The following UGGT2 variants were observed in gnomAD, a reference collection of about 807,000 sequenced individuals.
The protein encoded by UGGT2 is UDP-glucose glycoprotein glucosyltransferase 2.
A neutral mutation model predicts 192.1 loss-of-function variants in UGGT2; 180 were observed. The observed-to-expected ratio is 0.94, with a 90% CI of 0.83 to 1.06. The LOEUF is 1.06. Ranked by LOEUF, UGGT2 falls within the 50% of genes least tolerant of loss-of-function variation. The pLI is 0.00. For missense variants in UGGT2, 1,849 were observed against 1,795.7 expected (o/e 1.03, Z -0.54); for synonymous variants, 580 against 591.0 (o/e 0.98, Z 0.27).
intron 12 of UGGT2, among the ~76,000 whole-genome samples, chr13:95,966,644 C>A (rs935937712): frequency 1.3e-5 from 2 of 152,122 alleles, no homozygotes; most frequent in African/African-American, 4.8e-5. Flanking sequence ...ACCTTACATA[C>A]ATAAGAAAAT....
intron 12 of UGGT2, among the ~76,000 whole-genome samples, chr13:95,961,922 CAAT>C (rs2050405665): frequency 6.6e-6 from 1 of 152,000 alleles, no homozygotes; most frequent in South Asian, 2.1e-4. Context: ...AACTACAAAT[CAAT>C]AACAAGAGAA....
intron 20 of UGGT2, among the ~76,000 whole-genome samples, chr13:95,904,598 A>T (rs1215315841): frequency 6.6e-6 from 1 of 151,712 alleles, no homozygotes; most frequent in Non-Finnish European, 1.5e-5. Context: ...TCCCAATTTC[A>T]TCCATGTCCC....
At chr13:95,924,730 G>A (rs2048966444) in intron 20 of UGGT2, among the ~76,000 whole-genome samples, 1 of 152,046 alleles carries the variant, frequency 6.6e-6, no homozygotes, top group South Asian at 2.1e-4. Context: ...AAGCTGCCAC[G>A]TTGTGAGGGC....
intron 22 of UGGT2, among the ~76,000 whole-genome samples, chr13:95,896,472 T>A (rs538361961): frequency 1.1e-4 from 17 of 152,264 alleles, no homozygotes; most frequent in African/African-American, 4.1e-4. Context: ...TGAAAGCACA[T>A]TCAATGTTAC....
intron 20 of UGGT2, among the ~76,000 whole-genome samples, chr13:95,907,535 C>A (rs1489614767): frequency 1.3e-5 from 2 of 152,202 alleles, no homozygotes; most frequent in Non-Finnish European, 2.9e-5. Context: ...AGCTGCCCCT[C>A]TGGGACAAAG....
intron 8 of UGGT2, among the ~76,000 whole-genome samples, chr13:95,987,872 A>G (rs2051338921): frequency 6.6e-6 from 1 of 152,152 alleles, no homozygotes; most frequent in Non-Finnish European, 1.5e-5. Flanking sequence ...CGGGCCCCCA[A>G]AAGGCTGGCC....
chr13:95,814,489 T>C (rs1884724415), intron 38 of UGGT2, among the ~76,000 whole-genome samples: 1 of 152,232 alleles, frequency 6.6e-6, no homozygotes. Flanking sequence ...TTTTTTCCTT[T>C]TGGAAGAGGA....
chr13:95,911,739 G>A (rs1183764888), intron 20 of UGGT2, among the ~76,000 whole-genome samples: 1 of 152,040 alleles, frequency 6.6e-6, no homozygotes, highest in African/African-American at 2.4e-5. Context: ...AACTTATGAG[G>A]CCAATATCAT....
At chr13:96,016,985 G>C (rs1051119670) in intron 4 of UGGT2, among the ~76,000 whole-genome samples, 8 of 152,196 alleles carry the variant, frequency 5.3e-5, no homozygotes, top group African/African-American at 1.9e-4. Flanking sequence ...TGGAGTCAAG[G>C]ATTACATGAC....
intron 29 of UGGT2, among the ~76,000 whole-genome samples, chr13:95,870,075 TATA>T (rs1891089162): frequency 6.6e-6 from 1 of 152,198 alleles, no homozygotes; most frequent in African/African-American, 2.4e-5. Context: ...TGAATAAAAT[TATA>T]ATGCTGTTAT....
intron 20 of UGGT2, among the ~76,000 whole-genome samples, chr13:95,906,226 C>T (rs9561976): frequency 0.37 from 55,857 of 151,902 alleles, 10,569 homozygotes; most frequent in Middle Eastern, 0.42. Context: ...CTATTGTAAA[C>T]GGTATATTTA....
At chr13:95,934,308 C>G (rs140867026) in intron 17 of UGGT2, among the ~76,000 whole-genome samples, 62 of 152,296 alleles carry the variant, frequency 4.1e-4, no homozygotes, top group African/African-American at 1.2e-3. Context: ...GGAGTATGCT[C>G]TGTGTGCAGC....
At chr13:95,871,570 C>G (rs1287775556) in intron 29 of UGGT2, among the ~76,000 whole-genome samples, 1 of 152,158 alleles carries the variant, frequency 6.6e-6, no homozygotes, top group Non-Finnish European at 1.5e-5. Flanking sequence ...TAGAAGTGTA[C>G]ATGGAGCAGG....
intron 10 of UGGT2, chr13:95,983,426 T>C (rs577879336): frequency 2.0e-4 from 57 of 288,190 alleles, no homozygotes; most frequent in African/African-American, 1.2e-3. Context: ...CACTGATAAA[T>C]TGTATTCTAT....
chr13:95,966,946 T>A (rs764652260), intron 12 of UGGT2, among the ~76,000 whole-genome samples: 1 of 152,232 alleles, frequency 6.6e-6, no homozygotes, highest in East Asian at 1.9e-4. Flanking sequence ...ATAATTTTCA[T>A]GTCAATAATA....
chr13:95,971,036 T>C (rs961280823), intron 11 of UGGT2, among the ~76,000 whole-genome samples: 3 of 152,172 alleles, frequency 2.0e-5, no homozygotes, highest in Admixed American at 6.5e-5. Flanking sequence ...ATAGAACCAA[T>C]GCTGATCTAA....
intron 5 of UGGT2, among the ~76,000 whole-genome samples, chr13:96,012,996 G>A (rs1158764052): frequency 2.7e-5 from 3 of 111,184 alleles, no homozygotes; most frequent in African/African-American, 9.8e-5. Context: ...GTATATATTA[G>A]TATGTTGAGT....
intron 26 of UGGT2, chr13:95,887,303 G>T (rs564901449): frequency 1.9e-6 from 1 of 516,314 alleles, no homozygotes. Flanking sequence ...ACATGAAGGA[G>T]AACTGAATAT....
At chr13:96,031,756 T>C in intron 2 of UGGT2, 133 bp downstream of exon 2, 3 of 613,028 alleles carry the variant, frequency 4.9e-6, no homozygotes, top group Non-Finnish European at 7.9e-6. Context: ...AAAACATATT[T>C]TCAAATTTAA....
Sources: gnomAD v4.1 joint callset for allele counts (sites outside exome capture counted in the v4.1 genomes callset) on GRCh38, gnomAD v4.1.1 for gene constraint, MANE v1.5 for transcripts, NCBI Gene and HGNC (gene_info 2026-07-23, HGNC 2026-07-21) for gene names.